Variants in DCC observed in about 807,000 individuals in gnomAD.
DCC encodes netrin receptor DCC.
A neutral mutation model predicts 172.5 loss-of-function variants in DCC; 58 were observed. The ratio of observed to expected loss-of-function variants is 0.34; its 90% CI spans 0.27 to 0.42. The LOEUF is 0.42. Among genes scored for constraint, DCC ranks in the 10% least tolerant of loss-of-function variants. The probability of loss-of-function intolerance (pLI) is 1.00; values close to 1 mark genes in which losing one functional copy is unlikely to be tolerated. For synonymous variants in DCC, 709 were observed against 644.5 expected, an observed-to-expected ratio of 1.10 and a Z score of -1.52; for missense variants, 1,740 against 1,791.0, an observed-to-expected ratio of 0.97 and a Z score of 0.51.
intron 2 of DCC, among the ~76,000 whole-genome samples, chr18:52,863,404 G>C (rs2039174306): frequency 6.6e-6 from 1 of 151,730 alleles, no homozygotes; most frequent in South Asian, 2.1e-4. Flanking sequence ...TATCGTATAA[G>C]TTTTAAAAGC....
intron 1 of DCC, among the ~76,000 whole-genome samples, chr18:52,514,750 A>G (rs141026100): frequency 6.6e-6 from 1 of 152,350 alleles, no homozygotes; most frequent in African/African-American, 2.4e-5. Flanking sequence ...TACCATTCAA[A>G]TGGGAAATGA....
intron 19 of DCC, among the ~76,000 whole-genome samples, chr18:53,408,974 A>G (rs911832696): frequency 1.9e-4 from 29 of 152,210 alleles, no homozygotes; most frequent in African/African-American, 6.8e-4. Context: ...CTATGGGATT[A>G]AGTGATGAGT....
At chr18:52,632,146 G>A (rs1346544510) in intron 1 of DCC, among the ~76,000 whole-genome samples, 1 of 152,208 alleles carries the variant, frequency 6.6e-6, no homozygotes, top group African/African-American at 2.4e-5. Context: ...CTAGAGCTCT[G>A]TTCCTTTGAG....
intron 12 of DCC, among the ~76,000 whole-genome samples, chr18:53,245,068 G>A (rs1449522414): frequency 6.6e-6 from 1 of 152,002 alleles, no homozygotes; most frequent in Non-Finnish European, 1.5e-5. Context: ...AATGTAATTA[G>A]AGTCATATAT....
intron 1 of DCC, among the ~76,000 whole-genome samples, chr18:52,429,885 A>G (rs1183011414): frequency 2.0e-5 from 3 of 152,144 alleles, no homozygotes; most frequent in Admixed American, 2.0e-4. Context: ...TAACAAGTCA[A>G]GAGGTGGGTA....
intron 5 of DCC, among the ~76,000 whole-genome samples, chr18:52,965,520 C>G (rs1013461154): frequency 6.6e-6 from 1 of 151,984 alleles, no homozygotes; most frequent in Non-Finnish European, 1.5e-5. Context: ...AATGACCTTG[C>G]AAATGTGAAT....
chr18:53,229,574 A>G (rs919398103), intron 12 of DCC, among the ~76,000 whole-genome samples: 2 of 152,088 alleles, frequency 1.3e-5, no homozygotes, highest in Non-Finnish European at 2.9e-5. Context: ...TTATGCTGGC[A>G]GCTTGAAATT....
chr18:53,242,903 TTTG>T (rs2056319558), intron 12 of DCC, among the ~76,000 whole-genome samples: 1 of 150,532 alleles, frequency 6.6e-6, no homozygotes, highest in Admixed American at 6.6e-5. Flanking sequence ...TGTGTGTGTG[TTTG>T]TGCATCTGGC....
Position 53,025,805 on chromosome 18 carries a change from C to CACAT in DCC, c.986-37497_986-37496insTACA, listed in dbSNP as rs386387717. The stretch of plus-strand genomic sequence containing the variant: ...GGGCAAAAACTATGATACACACACA[C>CACAT]ACACACACACACACACACACACACA... On this transcript the variant is annotated intron_variant, in intron 5 of 28. Coordinates refer to ENST00000442544, the MANE Select transcript of DCC (RefSeq NM_005215.4). Among the ~76,000 whole-genome samples, 491 of 149,836 alleles carry CACAT rather than the reference C, an allele frequency of 3.3e-3. 2 individuals carry two copies. The highest frequency in any genetic ancestry group is 3.9e-3 in the Non-Finnish European group (260 of 67,372).
intron 7 of DCC, among the ~76,000 whole-genome samples, chr18:53,076,027 G>C (rs1035809929): frequency 4.6e-5 from 7 of 152,152 alleles, no homozygotes; most frequent in Non-Finnish European, 8.8e-5. Flanking sequence ...GGGGAAGGGA[G>C]TATCAACAGA....
chr18:52,455,552 T>C (rs1335921012), intron 1 of DCC, among the ~76,000 whole-genome samples: 1 of 152,206 alleles, frequency 6.6e-6, no homozygotes, highest in Admixed American at 6.5e-5. Flanking sequence ...GAATCAAATT[T>C]GGCCAGTGGC....
rs183648887 is a variant in DCC at position 52,966,267 on chromosome 18, C to G, written c.985+40897C>G. Among the ~76,000 whole-genome samples the G allele has an allele frequency of 9.1e-4, 139 of 152,304 alleles. No homozygotes were observed. In the South Asian group the frequency reaches 9.5e-3, roughly 10 times the overall value. ...ATAAACTCTGCTAACTTGAATGATTCACTTTCCAAAAATGAGCAGCATAAG... is the reference window on the plus strand; with the variant it reads ...ATAAACTCTGCTAACTTGAATGATTGACTTTCCAAAAATGAGCAGCATAAG... On this transcript the variant is annotated intron_variant, in intron 5 of 28. Coordinates refer to ENST00000442544, the MANE Select transcript of DCC (RefSeq NM_005215.4).
At chr18:52,448,402 A>G (rs761772295) in intron 1 of DCC, among the ~76,000 whole-genome samples, 53 of 152,216 alleles carry the variant, frequency 3.5e-4, no homozygotes, top group Non-Finnish European at 5.0e-4. Context: ...AACAGAGCAT[A>G]CATTTTGTTA....
intron 2 of DCC, among the ~76,000 whole-genome samples, chr18:52,868,033 G>GTGTATATATATATA (rs34439277): frequency 8.3e-6 from 1 of 120,426 alleles, no homozygotes; most frequent in African/African-American, 2.8e-5. Context: ...GTGTATGTGT[G>GTGTATATATATATA]TATATATATA....
intron 25 of DCC, among the ~76,000 whole-genome samples, chr18:53,477,545 A>G (rs1474416083): frequency 6.6e-6 from 1 of 152,172 alleles, no homozygotes; most frequent in Non-Finnish European, 1.5e-5. Context: ...CACATATATA[A>G]AGATCGTTGC....
intron 15 of DCC, among the ~76,000 whole-genome samples, chr18:53,380,623 A>C (rs1907649499): frequency 6.6e-6 from 1 of 152,156 alleles, no homozygotes; most frequent in African/African-American, 2.4e-5. Flanking sequence ...AAAGCATAAA[A>C]GAAAGCTCCT....
At chr18:53,506,926 C>A (rs576968241) in intron 27 of DCC, among the ~76,000 whole-genome samples, 1 of 151,282 alleles carries the variant, frequency 6.6e-6, no homozygotes, top group East Asian at 1.9e-4. Context: ...AAGGACTAGT[C>A]TCTCCATCAT....
At chr18:52,921,237 A>T (rs965197401) in intron 3 of DCC, among the ~76,000 whole-genome samples, 5 of 152,194 alleles carry the variant, frequency 3.3e-5, no homozygotes, top group Admixed American at 1.3e-4. Context: ...ACATTAGTGT[A>T]AGATGTTTGT....
intron 18 of DCC, among the ~76,000 whole-genome samples, chr18:53,398,284 T>A (rs17506126): frequency 0.42 from 64,436 of 151,990 alleles, 15,441 homozygotes; most frequent in Non-Finnish European, 0.55. Flanking sequence ...ATTGCAGTTC[T>A]AATTTTTAAC....
Sources: gnomAD v4.1 joint callset for allele counts (sites outside exome capture counted in the v4.1 genomes callset) on GRCh38, gnomAD v4.1.1 for gene constraint, MANE v1.5 for transcripts, NCBI Gene and HGNC (gene_info 2026-07-23, HGNC 2026-07-21) for gene names.